TUSC3: variants seen among roughly 807,000 people sequenced by gnomAD.
The protein encoded by TUSC3 is tumor suppressor candidate 3.
Under a neutral mutation model 44.8 loss-of-function variants are expected in TUSC3, and 45 were observed. That is an observed-to-expected ratio of 1.00 (90% CI 0.79 to 1.29). TUSC3 has a LOEUF of 1.29. Ranked by LOEUF, TUSC3 falls within the 50% of genes most tolerant of loss-of-function variation. The pLI is 0.00. For synonymous variants in TUSC3, 212 were observed against 152.9 expected (o/e 1.39, Z -2.85); for missense variants, 519 against 437.9 (o/e 1.19, Z -1.65).
chr8:15,637,557 T>C (rs4351418), intron 2 of TUSC3, among the ~76,000 whole-genome samples: 27,618 of 152,192 alleles, frequency 0.18, 2,506 homozygotes, highest in South Asian at 0.26. Flanking sequence ...ATTTTGTTTT[T>C]AGGGAAATTT....
At chr8:15,744,514 A>G (rs1310074261) in intron 8 of TUSC3, among the ~76,000 whole-genome samples, 1 of 152,124 alleles carries the variant, frequency 6.6e-6, no homozygotes, top group Non-Finnish European at 1.5e-5. Flanking sequence ...AAGAGTATTT[A>G]TTAAGATATT....
the TUSC3 span, among the ~76,000 whole-genome samples, chr8:15,812,553 T>C: frequency 6.6e-6 from 1 of 152,158 alleles, no homozygotes. Context: ...CCTTAATTAA[T>C]TTCTCACTGA....
intron 2 of TUSC3, among the ~76,000 whole-genome samples, chr8:15,534,415 G>A (rs1191821451): frequency 3.9e-5 from 6 of 152,048 alleles, no homozygotes; most frequent in East Asian, 1.9e-4. Context: ...AGGCCGAGGC[G>A]GGCAGATCAC....
intron 1 of TUSC3, among the ~76,000 whole-genome samples, chr8:15,452,280 C>T (rs925515870): frequency 6.6e-6 from 1 of 152,078 alleles, no homozygotes; most frequent in Admixed American, 6.6e-5. Context: ...CTTTCTAAAC[C>T]TGTTGAATGT....
At chr8:15,503,798 T>A (rs1012729445) in intron 2 of TUSC3, among the ~76,000 whole-genome samples, 1 of 150,996 alleles carries the variant, frequency 6.6e-6, no homozygotes, top group African/African-American at 2.4e-5. Flanking sequence ...AGGCCAGGAG[T>A]TTGAGACTAG....
intron 1 of TUSC3, among the ~76,000 whole-genome samples, chr8:15,556,196 C>T (rs1177894157): frequency 7.3e-6 from 1 of 136,254 alleles, no homozygotes; most frequent in African/African-American, 2.7e-5. Flanking sequence ...GTGATATTCC[C>T]CTTCCTGTGT....
chr8:15,530,714 C>T (rs900398174), intron 2 of TUSC3, among the ~76,000 whole-genome samples: 4 of 152,158 alleles, frequency 2.6e-5, no homozygotes, highest in African/African-American at 9.7e-5. Flanking sequence ...ATAGTAAATG[C>T]TCATAATAAC....
intron 1 of TUSC3, among the ~76,000 whole-genome samples, chr8:15,435,946 C>T (rs752195500): frequency 6.6e-6 from 1 of 152,116 alleles, no homozygotes; most frequent in Non-Finnish European, 1.5e-5. Flanking sequence ...TTTGGAGAAG[C>T]TTTGTCTGGG....
intron 9 of TUSC3, among the ~76,000 whole-genome samples, chr8:15,754,446 T>TACAG: frequency 6.6e-6 from 1 of 152,156 alleles, no homozygotes; most frequent in East Asian, 1.9e-4. Flanking sequence ...CAACTGCTAG[T>TACAG]ACAGACACAC....
chr8:15,743,979 C>G (rs527533717), intron 8 of TUSC3, among the ~76,000 whole-genome samples: 2 of 152,266 alleles, frequency 1.3e-5, no homozygotes, highest in East Asian at 3.9e-4. Context: ...AACATATTCC[C>G]TCTGCTACAA....
intron 2 of TUSC3, among the ~76,000 whole-genome samples, chr8:15,509,674 G>A (rs1801106567): frequency 6.6e-6 from 1 of 151,966 alleles, no homozygotes; most frequent in Admixed American, 6.6e-5. Flanking sequence ...CAAATTTGTA[G>A]TCTTAACTGT....
At chr8:15,445,525 G>A (rs1051414357) in intron 1 of TUSC3, among the ~76,000 whole-genome samples, 4 of 152,062 alleles carry the variant, frequency 2.6e-5, no homozygotes, top group South Asian at 2.1e-4. Flanking sequence ...GACTCTTAAC[G>A]AGCATGCTGC....
At chr8:15,812,915 G>A in the TUSC3 span, among the ~76,000 whole-genome samples, 4 of 152,028 alleles carry the variant, frequency 2.6e-5, no homozygotes, top group Admixed American at 6.6e-5. Flanking sequence ...CCAATATGGC[G>A]AAACCCCATC....
At chr8:15,744,047 A>C (rs1400114114) in intron 8 of TUSC3, among the ~76,000 whole-genome samples, 1 of 152,220 alleles carries the variant, frequency 6.6e-6, no homozygotes, top group Non-Finnish European at 1.5e-5. Context: ...GGTATTGTAC[A>C]GTGAGATACT....
At chr8:15,792,950 C>T in the TUSC3 span, among the ~76,000 whole-genome samples, 1 of 152,068 alleles carries the variant, frequency 6.6e-6, no homozygotes, top group East Asian at 1.9e-4. Flanking sequence ...CCAATATCTC[C>T]TTTTCTCACC....
rs141736651 is a variant in TUSC3, at chr8:15,448,717, CTA to C, written n.91+31413_91+31414del. The stretch of plus-strand genomic sequence containing the variant: ...AAGTGTTAAAATTTGGATTATGAAA[CTA>C]AAAATGTTTTAATTGCAGCAAAAAG... On this transcript the variant is annotated intron_variant and non_coding_transcript_variant, in intron 1 of 5. Coordinates refer to the TUSC3 transcript ENST00000503191. 8.5e-3 allele frequency among the ~76,000 whole-genome samples: 1,296 copies of C among 152,122 alleles called. 18 individuals are homozygous for C. Among genetic ancestry groups the C allele is most frequent in the African/African-American group, 0.024 (1,016 of 41,480 alleles).
At chr8:15,748,822 C>T (rs1337155012) in intron 9 of TUSC3, 1 of 467,328 alleles carries the variant, frequency 2.1e-6, no homozygotes, top group East Asian at 6.0e-5. Context: ...TGTTCATTGT[C>T]TAATAAACTT....
chr8:15,595,948 G>T (rs1243469219), intron 1 of TUSC3, among the ~76,000 whole-genome samples: 1 of 152,120 alleles, frequency 6.6e-6, no homozygotes, highest in Non-Finnish European at 1.5e-5. Flanking sequence ...GAATAGTAAT[G>T]GTCCCAAAGG....
intron 1 of TUSC3, among the ~76,000 whole-genome samples, chr8:15,432,690 T>C (rs1335566835): frequency 6.6e-6 from 1 of 152,158 alleles, no homozygotes; most frequent in Non-Finnish European, 1.5e-5. Flanking sequence ...CTCAATCTTT[T>C]AATGAGTATG....
Sources: gnomAD v4.1 joint callset for allele counts (sites outside exome capture counted in the v4.1 genomes callset) on GRCh38, gnomAD v4.1.1 for gene constraint, MANE v1.5 for transcripts, NCBI Gene and HGNC (gene_info 2026-07-23, HGNC 2026-07-21) for gene names.